The following GRIP1 variants were observed in gnomAD, a reference collection of about 807,000 sequenced individuals.
GRIP1 encodes glutamate receptor interacting protein 1, also known as glutamate receptor-interacting protein 1.
In GRIP1, 45 loss-of-function variants were observed where a neutral mutation model predicts 129.9. The ratio of observed to expected loss-of-function variants is 0.35; its 90% CI spans 0.27 to 0.44. GRIP1 has a LOEUF of 0.44. Ranked by LOEUF, GRIP1 falls within the 20% of genes least tolerant of loss-of-function variation. The pLI, the probability that GRIP1 is intolerant of heterozygous loss-of-function variation, is 1.00. For missense variants in GRIP1, 1,196 were observed against 1,396.8 expected, an observed-to-expected ratio of 0.86 and a Z score of 2.29; for synonymous variants, 530 against 520.8, an observed-to-expected ratio of 1.02 and a Z score of -0.24.
intron 1 of GRIP1, among the ~76,000 whole-genome samples, chr12:66,619,702 A>AT (rs1343150104): frequency 7.2e-5 from 11 of 152,208 alleles, no homozygotes; most frequent in Admixed American, 1.3e-4. Context: ...AAATAAAAAG[A>AT]TTTGAGGGCA....
At chr12:66,918,721 C>T (rs113856181) in intron 1 of GRIP1, among the ~76,000 whole-genome samples, 10,870 of 152,052 alleles carry the variant, frequency 0.071, 585 homozygotes, top group East Asian at 0.18. Context: ...ATGTTAGCTG[C>T]CCCCATGAAA....
intron 1 of GRIP1, among the ~76,000 whole-genome samples, chr12:66,712,034 T>C (rs1024486367): frequency 6.6e-6 from 1 of 151,970 alleles, no homozygotes; most frequent in Admixed American, 6.6e-5. Context: ...TTTTATGTAG[T>C]GACAAGTTGT....
rs189396759 is a variant in GRIP1, at chr12:66,736,968, C to T, written c.-420+67085G>A. Among the ~76,000 whole-genome samples, 227 of 147,416 alleles carry T rather than the reference C, an allele frequency of 1.5e-3. 2 individuals carry two copies. Among genetic ancestry groups the T allele is most frequent in the African/African-American group, 5.3e-3 (211 of 39,880 alleles). ...GTTAAAACCCTTACATTCTAACATT[C>T]CCTGGGCTCTGCAGACTGACAACTA... is the stretch of plus-strand genomic sequence containing the variant. On this transcript the variant is annotated intron_variant, in intron 1 of 4. Transcript: ENST00000538373.
intron 7 of GRIP1, among the ~76,000 whole-genome samples, chr12:66,474,425 C>T (rs1317026970): frequency 6.6e-6 from 1 of 152,146 alleles, no homozygotes; most frequent in Non-Finnish European, 1.5e-5. Context: ...TCCAGTAGAA[C>T]TTACCCAACC....
At chr12:66,392,571 G>A (rs2056634240) in intron 18 of GRIP1, 69 bp from the exon 19 acceptor site, 1 of 1,564,736 alleles carries the variant, frequency 6.4e-7, no homozygotes, top group Non-Finnish European at 8.8e-7. Context: ...GATACTCCGT[G>A]GCTAGAGATT....
At chr12:66,817,017 T>C (rs865928589) in intron 1 of GRIP1, among the ~76,000 whole-genome samples, 124 of 152,230 alleles carry the variant, frequency 8.1e-4, no homozygotes, top group African/African-American at 2.9e-3. Context: ...ATGAACATCC[T>C]TTCCTCAGAA....
chr12:66,934,642 T>C (rs2041455155), intron 1 of GRIP1, among the ~76,000 whole-genome samples: 1 of 152,244 alleles, frequency 6.6e-6, no homozygotes, highest in Admixed American at 6.5e-5. Context: ...TGAAAAATAC[T>C]TGTGAAATGA....
chr12:66,868,214 T>A (rs79180672), intron 1 of GRIP1, among the ~76,000 whole-genome samples: 1 of 152,062 alleles, frequency 6.6e-6, no homozygotes, highest in East Asian at 1.9e-4. Context: ...GGGAAATGCA[T>A]GCTGTTGACC....
chr12:67,068,075 C>T (rs1426203265), intron 1 of GRIP1, among the ~76,000 whole-genome samples: 1 of 152,222 alleles, frequency 6.6e-6, no homozygotes, highest in East Asian at 1.9e-4. Flanking sequence ...CCACCGTGCA[C>T]ATCCCTCTAG....
At chr12:66,356,920 G>A (rs1408289969) in intron 23 of GRIP1, among the ~76,000 whole-genome samples, 1 of 152,050 alleles carries the variant, frequency 6.6e-6, no homozygotes, top group Non-Finnish European at 1.5e-5. Flanking sequence ...ACCCAGGCAG[G>A]AGTGCAGTGG....
At chr12:67,007,493 AAAG>A (rs1751307878) in intron 1 of GRIP1, among the ~76,000 whole-genome samples, 1 of 152,180 alleles carries the variant, frequency 6.6e-6, no homozygotes, top group Non-Finnish European at 1.5e-5. Flanking sequence ...CCCAAAAAAC[AAAG>A]AATGAGGCAA....
chr12:66,785,343 C>CATACATATATAT (rs377630345), intron 1 of GRIP1, among the ~76,000 whole-genome samples: 8,662 of 72,312 alleles, frequency 0.12, 735 homozygotes, highest in Non-Finnish European at 0.15. Context: ...TACATACATA[C>CATACATATATAT]ATATATATAT....
In GRIP1 at chr12:66,365,449, C is replaced by T. The variant is rs944927991; in HGVS notation, c.3012+6245G>A. 5.3e-5 allele frequency among the ~76,000 whole-genome samples: 8 copies of T among 152,178 alleles called. No homozygotes were observed. The East Asian group carries it at 1.4e-3, about 26-fold the overall frequency. On this transcript the variant is annotated intron_variant, in intron 23 of 24. Coordinates refer to ENST00000359742, the MANE Select transcript of GRIP1 (RefSeq NM_001366722.1). ...CAGACTTCATCCCTCACCTCCCTCC[C>T]AAAAAATATTATGTTTTTACATTTA...
intron 13 of GRIP1, among the ~76,000 whole-genome samples, chr12:66,436,863 A>G (rs139016407): frequency 7.2e-4 from 109 of 151,674 alleles, no homozygotes; most frequent in African/African-American, 2.5e-3. Context: ...GCACATGCCT[A>G]TAATCCCAGC....
chr12:66,879,291 A>G (rs1273056047), intron 1 of GRIP1, among the ~76,000 whole-genome samples: 1 of 152,080 alleles, frequency 6.6e-6, no homozygotes, highest in Non-Finnish European at 1.5e-5. Flanking sequence ...AAGTGGAGGC[A>G]ACAGTTTAAA....
At chr12:66,512,934 A>G (rs1204571646) in intron 7 of GRIP1, among the ~76,000 whole-genome samples, 4 of 152,130 alleles carry the variant, frequency 2.6e-5, no homozygotes, top group Non-Finnish European at 5.9e-5. Flanking sequence ...AGAAATACAG[A>G]CAAACATTTA....
intron 1 of GRIP1, chr12:66,626,935 T>C (rs1434378206): frequency 6.6e-6 from 1 of 152,162 alleles, no homozygotes. Context: ...AAGTAATTCA[T>C]TTCCATGGAC....
chr12:66,612,390 T>C (rs1415532311), intron 1 of GRIP1, among the ~76,000 whole-genome samples: 1 of 152,130 alleles, frequency 6.6e-6, no homozygotes, highest in Non-Finnish European at 1.5e-5. Flanking sequence ...CTGGGTTCAG[T>C]GGTTCTGTGT....
chr12:66,804,629 T>C (rs1008112351), upstream of GRIP1, among the ~76,000 whole-genome samples: 17 of 152,014 alleles, frequency 1.1e-4, no homozygotes, highest in Admixed American at 1.0e-3. Flanking sequence ...GGCGGGGGTA[T>C]AGGAGAAGGG....
Sources: allele counts gnomAD v4.1 joint callset (sites outside exome capture counted in the v4.1 genomes callset), GRCh38; gene constraint gnomAD v4.1.1; transcripts MANE v1.5; gene names NCBI Gene and HGNC (gene_info 2026-07-23, HGNC 2026-07-21).